TFB2M: variants seen among roughly 807,000 people sequenced by gnomAD.
The protein encoded by TFB2M is dimethyladenosine transferase 2, mitochondrial.
A neutral mutation model predicts 41.3 loss-of-function variants in TFB2M; 44 were observed. The observed-to-expected ratio is 1.07, with a 90% CI of 0.84 to 1.37. TFB2M has a LOEUF of 1.37. Ranked by LOEUF, TFB2M falls within the 40% of genes most tolerant of loss-of-function variation. TFB2M has a pLI of 0.00. For synonymous variants in TFB2M, 188 were observed against 176.8 expected (o/e 1.06, Z -0.50); for missense variants, 496 against 490.2 (o/e 1.01, Z -0.11).
chr1:246,541,280 T>G, intron 7 of TFB2M, 78 bp from the exon 8 acceptor site: 1 of 1,394,970 alleles, frequency 7.2e-7, no homozygotes, highest in Non-Finnish European at 9.8e-7. Context: ...AAATGGCTTC[T>G]AAGTTGAATT....
chr1:246,541,844 A>C (rs1658864201), intron 7 of TFB2M, among the ~76,000 whole-genome samples: 1 of 152,232 alleles, frequency 6.6e-6, no homozygotes, highest in Non-Finnish European at 1.5e-5. Flanking sequence ...ATCATTTTTC[A>C]CATTTTGATG....
intron 2 of TFB2M, among the ~76,000 whole-genome samples, chr1:246,562,307 G>A (rs1053944731): frequency 2.0e-5 from 3 of 152,168 alleles, no homozygotes; most frequent in African/African-American, 7.2e-5. Context: ...GAGAGTAAGA[G>A]ACTGGTTAAA....
chr1:246,544,743 C>T, intron 6 of TFB2M, 62 bp from the exon 7 acceptor site: 1 of 1,427,708 alleles, frequency 7.0e-7, no homozygotes, highest in Non-Finnish European at 9.5e-7. Flanking sequence ...AGACATTGCT[C>T]ACTTCTTCCT....
intron 4 of TFB2M, among the ~76,000 whole-genome samples, chr1:246,554,751 A>T (rs1013073660): frequency 8.5e-5 from 13 of 152,168 alleles, no homozygotes; most frequent in Non-Finnish European, 1.8e-4. Flanking sequence ...CCACGTAAAA[A>T]CTGTCTTCCA....
intron 6 of TFB2M, among the ~76,000 whole-genome samples, chr1:246,545,016 A>G (rs532421562): frequency 5.8e-4 from 88 of 151,912 alleles, no homozygotes; most frequent in Admixed American, 1.0e-3. Context: ...CGTGTTAGCC[A>G]GGATGGTCTC....
At chr1:246,554,982 A>G (rs1474923125) in intron 4 of TFB2M, among the ~76,000 whole-genome samples, 5 of 152,252 alleles carry the variant, frequency 3.3e-5, no homozygotes, top group Admixed American at 6.5e-5. Flanking sequence ...CAGAATATAT[A>G]AAGAACTCTT....
chr1:246,550,204 G>C (rs557906397), intron 5 of TFB2M, among the ~76,000 whole-genome samples: 18 of 152,220 alleles, frequency 1.2e-4, no homozygotes, highest in Non-Finnish European at 2.6e-4. Flanking sequence ...GAAGACTTGA[G>C]ATGAAAGTCA....
At chr1:246,552,201 G>C (rs1266622467) in intron 4 of TFB2M, among the ~76,000 whole-genome samples, 1 of 152,102 alleles carries the variant, frequency 6.6e-6, no homozygotes, top group Non-Finnish European at 1.5e-5. Flanking sequence ...CTTGAGTCTA[G>C]GAGTTTGGGG....
intron 2 of TFB2M, among the ~76,000 whole-genome samples, chr1:246,561,986 T>A (rs534210586): frequency 1.3e-3 from 197 of 152,362 alleles, no homozygotes; most frequent in Non-Finnish European, 2.4e-3. Flanking sequence ...GAATCACATT[T>A]CAGGATCTTA....
chr1:246,554,130 G>C (rs1188567238), intron 4 of TFB2M, among the ~76,000 whole-genome samples: 1 of 152,184 alleles, frequency 6.6e-6, no homozygotes, highest in African/African-American at 2.4e-5. Flanking sequence ...GGGAAAACTA[G>C]ATCAAAGAAT....
At chr1:246,548,863 C>T (rs922006551) in intron 5 of TFB2M, among the ~76,000 whole-genome samples, 6 of 152,164 alleles carry the variant, frequency 3.9e-5, no homozygotes, top group Admixed American at 1.3e-4. Context: ...TATGCAATTA[C>T]GCAAATAAGT....
intron 6 of TFB2M, among the ~76,000 whole-genome samples, chr1:246,544,941 G>A (rs1041945316): frequency 9.2e-5 from 14 of 152,154 alleles, no homozygotes; most frequent in Admixed American, 3.3e-4. Flanking sequence ...GAGTAGCTGG[G>A]ACTACAGGCG....
chr1:246,545,022 G>A (rs569046785), intron 6 of TFB2M, among the ~76,000 whole-genome samples: 8 of 151,570 alleles, frequency 5.3e-5, no homozygotes, highest in Admixed American at 2.0e-4. Context: ...AGCCAGGATG[G>A]TCTCGATCTC....
Position 246,556,605 on chromosome 1 carries a change from C to A in TFB2M, c.673G>T (p.Val225Leu), listed in dbSNP as rs746788476. ...TCTTTTTCACCAATAAACATATTTACTTCTATTCGTCCAAATTTATATATA... is the reference window on the plus strand; with the variant it reads ...TCTTTTTCACCAATAAACATATTTAATTCTATTCGTCCAAATTTATATATA... ...TSIYKFGRIE[V>L]NMFIGEKEFQ... The change falls in exon 4 of 8, where the codon GTA becomes TTA. Residue 225 changes from valine (V) to leucine (L), a missense_variant. Coordinates refer to ENST00000366514, the MANE Select transcript of TFB2M (RefSeq NM_022366.3). The A allele has an allele frequency of 2.0e-5, 30 of 1,534,312 alleles. No homozygotes were observed. Among genetic ancestry groups the A allele is most frequent in the Non-Finnish European group, 2.6e-5 (30 of 1,141,928 alleles).
At chr1:246,561,708 A>T (rs1659459794) in intron 2 of TFB2M, among the ~76,000 whole-genome samples, 1 of 152,184 alleles carries the variant, frequency 6.6e-6, no homozygotes, top group Non-Finnish European at 1.5e-5. Flanking sequence ...ACCTCAAGTG[A>T]CCTGCCCGCC....
rs1233368711 is a variant in TFB2M, at chr1:246,541,222, T to C, written c.1020-20A>G. The C allele has an allele frequency of 6.2e-7, 1 of 1,607,116 alleles. No homozygotes were observed. Among genetic ancestry groups the C allele is most frequent in the Non-Finnish European group, 8.5e-7 (1 of 1,175,884 alleles). On this transcript the variant is annotated intron_variant, in intron 7 of 7. Coordinates refer to ENST00000366514, the MANE Select transcript of TFB2M (RefSeq NM_022366.3). Reference sequence around the variant, plus strand: ...AATGAACTGCAAAAGAAATACAAAGTAAATGTACTTAATTCTTTCTCATGC... The same window carrying C: ...AATGAACTGCAAAAGAAATACAAAGCAAATGTACTTAATTCTTTCTCATGC...
intron 6 of TFB2M, among the ~76,000 whole-genome samples, chr1:246,545,056 C>T (rs12091933): frequency 0.71 from 97,390 of 136,320 alleles, 31,601 homozygotes; most frequent in Middle Eastern, 0.78. Context: ...CCGCCCGCCT[C>T]GGCCTCCCCA....
At chr1:246,546,983 A>ACACACACACACACACACACAC (rs764498048) in intron 6 of TFB2M, among the ~76,000 whole-genome samples, 6 of 127,178 alleles carry the variant, frequency 4.7e-5, no homozygotes, top group African/African-American at 1.8e-4. Context: ...ACACACACAC[A>ACACACACACACACACACACAC]TTTTTTTTTT....
In TFB2M at chr1:246,566,234, C is replaced by A; in HGVS notation, c.-96G>T. 2 of 1,294,600 alleles carry A rather than the reference C, an allele frequency of 1.5e-6. No individual in the cohort carries two copies. The highest frequency in any genetic ancestry group is 4.9e-5 in the Admixed American group (2 of 40,674). The allele number at this position is 1,294,600 out of a possible 1,614,324, so 80.2% of individuals were successfully genotyped here. On this transcript the variant is annotated 5_prime_UTR_variant, in exon 1 of 8. Transcript: ENST00000366514. ...CCCACGTGGAACATTTTCTGGCGTC[C>A]GGGCCAGGTCAAGCGGAAGTAAACA...
Sources: allele counts gnomAD v4.1 joint callset (sites outside exome capture counted in the v4.1 genomes callset), GRCh38; gene constraint gnomAD v4.1.1; transcripts MANE v1.5; gene names NCBI Gene and HGNC (gene_info 2026-07-23, HGNC 2026-07-21).